CAST: variants seen among roughly 807,000 people sequenced by gnomAD.
The protein encoded by CAST is MIR583 host.
CAST carries 76 observed loss-of-function variants against 119.6 expected under a neutral mutation model. That is an observed-to-expected ratio of 0.64 (90% CI 0.53 to 0.77). CAST has a LOEUF of 0.77. CAST is among the 30% of genes least tolerant of loss of function. CAST has a pLI of 0.00. For missense variants in CAST, 953 were observed against 946.5 expected, an observed-to-expected ratio of 1.01 and a Z score of -0.09; for synonymous variants, 319 against 331.6, an observed-to-expected ratio of 0.96 and a Z score of 0.41.
chr5:96,618,417 G>C (rs1227648118), intron 1 of CAST, among the ~76,000 whole-genome samples: 1 of 152,240 alleles, frequency 6.6e-6, no homozygotes, highest in Non-Finnish European at 1.5e-5. Flanking sequence ...GGCCATGCTT[G>C]AGGAGCCCTT....
the CAST span, among the ~76,000 whole-genome samples, chr5:96,068,517 T>C: frequency 6.6e-6 from 1 of 151,702 alleles, no homozygotes; most frequent in Non-Finnish European, 1.5e-5. Context: ...ACATCTGATA[T>C]GGGAACCCAC....
intron 1 of CAST, among the ~76,000 whole-genome samples, chr5:96,620,626 G>T (rs899449756): frequency 6.6e-6 from 1 of 152,054 alleles, no homozygotes; most frequent in Admixed American, 6.6e-5. Context: ...TATTAAATAC[G>T]TTTTTGACTT....
At chr5:96,740,545 A>G (rs1213526104) in intron 12 of CAST, among the ~76,000 whole-genome samples, 200 bp from the exon 13 acceptor site, 1 of 152,006 alleles carries the variant, frequency 6.6e-6, no homozygotes, top group Non-Finnish European at 1.5e-5. Context: ...AGTAGGGCCC[A>G]CCCTAATGAC....
At chr5:96,064,645 A>G in the CAST span, among the ~76,000 whole-genome samples, 4 of 152,106 alleles carry the variant, frequency 2.6e-5, no homozygotes, top group Admixed American at 2.0e-4. Context: ...ACTTTTCTTC[A>G]TTCACTTGTG....
chr5:96,147,578 G>T, the CAST span, among the ~76,000 whole-genome samples: 117 of 152,230 alleles, frequency 7.7e-4, 2 homozygotes, highest in East Asian at 5.6e-3. Context: ...ACTCCAGCCT[G>T]GGCGACAGAG....
At chr5:96,615,429 G>T (rs1747433504) in intron 1 of CAST, among the ~76,000 whole-genome samples, 1 of 152,226 alleles carries the variant, frequency 6.6e-6, no homozygotes, top group Non-Finnish European at 1.5e-5. Context: ...TGTCTGTGCT[G>T]CTGCACAGGG....
the CAST span, among the ~76,000 whole-genome samples, chr5:96,387,880 G>T: frequency 0.017 from 2,635 of 152,308 alleles, 37 homozygotes; most frequent in Middle Eastern, 0.027. Flanking sequence ...GGCCACTAGG[G>T]ACAGGGATAC....
chr5:96,292,593 A>G, the CAST span, among the ~76,000 whole-genome samples: 1 of 152,206 alleles, frequency 6.6e-6, no homozygotes, highest in East Asian at 1.9e-4. Flanking sequence ...ATAATGGGTT[A>G]ATGTTCTCAC....
At chr5:96,106,871 G>A in the CAST span, among the ~76,000 whole-genome samples, 2 of 133,856 alleles carry the variant, frequency 1.5e-5, no homozygotes, top group Admixed American at 1.5e-4. Context: ...TCTCTTTGTA[G>A]GTCACTCAGG....
the CAST span, among the ~76,000 whole-genome samples, chr5:96,184,138 T>C: frequency 6.6e-6 from 1 of 152,220 alleles, no homozygotes; most frequent in Non-Finnish European, 1.5e-5. Flanking sequence ...CAGACAATGA[T>C]GCTCTCAGAT....
At chr5:96,288,242 C>G in the CAST span, among the ~76,000 whole-genome samples, 1 of 152,038 alleles carries the variant, frequency 6.6e-6, no homozygotes, top group Non-Finnish European at 1.5e-5. Context: ...TACATAGACA[C>G]GGGGACTGTT....
the CAST span, among the ~76,000 whole-genome samples, chr5:96,140,003 AT>A: frequency 6.6e-6 from 1 of 152,222 alleles, no homozygotes; most frequent in Non-Finnish European, 1.5e-5. Flanking sequence ...TTAGTGTACC[AT>A]TATTTCATAT....
At chr5:96,149,937 A>T in the CAST span, among the ~76,000 whole-genome samples, 8 of 152,248 alleles carry the variant, frequency 5.3e-5, no homozygotes, top group African/African-American at 1.9e-4. Context: ...TGATAAACAT[A>T]AAAGTTCCCT....
At chr5:96,706,585 A>T (rs1755023722) in intron 3 of CAST, among the ~76,000 whole-genome samples, 1 of 152,250 alleles carries the variant, frequency 6.6e-6, no homozygotes, top group Non-Finnish European at 1.5e-5. Context: ...CAACAGCTGC[A>T]GATCCTAATG....
intron 1 of CAST, among the ~76,000 whole-genome samples, chr5:96,646,109 T>TA (rs1007356111): frequency 1.3e-5 from 2 of 152,056 alleles, no homozygotes; most frequent in East Asian, 1.9e-4. Context: ...ATTACAAAGA[T>TA]AAAAAAATTG....
chr5:96,324,830 A>AC, the CAST span, among the ~76,000 whole-genome samples: 1 of 152,068 alleles, frequency 6.6e-6, no homozygotes, highest in Admixed American at 6.5e-5. Context: ...CTTAAGTTTT[A>AC]TGAAGTGACA....
In CAST at chr5:96,729,613, C is replaced by CA. The variant is rs1760033442; in HGVS notation, c.442dup (p.Ser148LysfsTer12). The CA allele has an allele frequency of 3.4e-6, 5 of 1,485,742 alleles. No individual in the cohort carries two copies. The highest frequency in any genetic ancestry group is 4.7e-6 in the Non-Finnish European group (5 of 1,063,588). The allele number at this position is 1,485,742 out of a possible 1,614,324, so 92.0% of individuals were successfully genotyped here. On this transcript the variant is annotated frameshift_variant and splice_region_variant, in exon 8 of 32. Transcript: ENST00000675179. LOFTEE classifies it high-confidence loss of function. ...GGGCACCTGTGTGTGTACTTTCAGC[C>CA]AAAAAGCCTACCCAAGCAGGCATCA... is the stretch of plus-strand genomic sequence containing the variant.
chr5:95,972,697 G>GT, the CAST span, among the ~76,000 whole-genome samples: 3 of 152,158 alleles, frequency 2.0e-5, no homozygotes, highest in African/African-American at 4.8e-5. Context: ...AGCAAAAAAA[G>GT]TTTTTGATTT....
chr5:96,065,722 AG>A, the CAST span, among the ~76,000 whole-genome samples: 1 of 152,138 alleles, frequency 6.6e-6, no homozygotes, highest in African/African-American at 2.4e-5. Context: ...ACCCTGGTTT[AG>A]CCCCTCAGCC....
Sources: allele counts gnomAD v4.1 joint callset (sites outside exome capture counted in the v4.1 genomes callset), GRCh38; gene constraint gnomAD v4.1.1; transcripts MANE v1.5; gene names NCBI Gene and HGNC (gene_info 2026-07-23, HGNC 2026-07-21).